MYO7B: variants seen among roughly 807,000 people sequenced by gnomAD.
MYO7B encodes the protein unconventional myosin-VIIb.
Under a neutral mutation model 259.7 loss-of-function variants are expected in MYO7B, and 212 were observed. The observed-to-expected ratio is 0.82, with a 90% CI of 0.73 to 0.91. MYO7B has a LOEUF of 0.91. Ranked by LOEUF, MYO7B falls within the 40% of genes least tolerant of loss-of-function variation. The pLI, the probability that MYO7B is intolerant of heterozygous loss-of-function variation, is 0.00. For missense variants in MYO7B, 2,732 were observed against 2,813.5 expected (o/e 0.97, Z 0.66); for synonymous variants, 1,197 against 1,166.4 (o/e 1.03, Z -0.54).
chr2:127,636,560 T>G lies in MYO7B; in HGVS notation c.6139T>G (p.Ser2047Ala), dbSNP rs200713459. The change falls in exon 46 of 48, where the codon TCC becomes GCC. Residue 2047 changes from serine (S) to alanine (A), a missense_variant. Coordinates refer to ENST00000409816, the MANE Select transcript of MYO7B (RefSeq NM_001393586.1). The surrounding 1 kb of genome is among the most constrained non-coding windows in gnomAD (Gnocchi z 4.5). Reference sequence around the variant, plus strand: ...TCCCTCCCAGCAAACCTCGGAGCCTTCCTACCCGGACGTCATCCTCATCGC... The same window carrying G: ...TCCCTCCCAGCAAACCTCGGAGCCTGCCTACCCGGACGTCATCCTCATCGC... ...FFEVKQTSEP[S>A]YPDVILIAIN... 6.0e-5 allele frequency: 97 copies of G among 1,611,878 alleles called. No homozygotes were observed. In the East Asian group the frequency reaches 1.4e-3, roughly 23 times the overall value.
At chr2:127,619,124 G>A (rs1680712933) in intron 26 of MYO7B, among the ~76,000 whole-genome samples, 1 of 145,364 alleles carries the variant, frequency 6.9e-6, no homozygotes, top group Non-Finnish European at 1.5e-5. Context: ...GAGGCTGGTT[G>A]GATTGTGGTG....
At chr2:127,601,013 T>G (rs576005539) in intron 19 of MYO7B, among the ~76,000 whole-genome samples, 1 of 152,364 alleles carries the variant, frequency 6.6e-6, no homozygotes, top group East Asian at 1.9e-4. Flanking sequence ...TATGCTTTCA[T>G]TTAGTTCATT....
intron 43 of MYO7B, 37 bp from the exon 44 acceptor site, chr2:127,635,685 C>G: frequency 1.3e-6 from 2 of 1,564,254 alleles, no homozygotes; most frequent in Non-Finnish European, 1.7e-6. Context: ...TGGGCCGCAG[C>G]TGGAGACCCA....
chr2:127,568,726 G>C (rs949985484), intron 5 of MYO7B, among the ~76,000 whole-genome samples: 4 of 151,218 alleles, frequency 2.6e-5, no homozygotes, highest in African/African-American at 9.7e-5. Context: ...GTGAAACCCC[G>C]TCTCTACTAA....
At chr2:127,622,788 G>A (rs1375842012) in intron 28 of MYO7B, among the ~76,000 whole-genome samples, 1 of 152,228 alleles carries the variant, frequency 6.6e-6, no homozygotes, top group African/African-American at 2.4e-5. Flanking sequence ...GTTGACACAA[G>A]GGAACAATAC....
chr2:127,633,149 TG>T, intron 39 of MYO7B, 108 bp from the exon 40 acceptor site: 1 of 834,892 alleles, frequency 1.2e-6, no homozygotes, highest in Non-Finnish European at 1.9e-6. Flanking sequence ...TGATGGTCAC[TG>T]GGGTTTTCTT....
At chr2:127,637,130 A>C in intron 47 of MYO7B, 186 bp from the exon 48 acceptor site, 1 of 967,736 alleles carries the variant, frequency 1.0e-6, no homozygotes, top group Non-Finnish European at 1.6e-6. Context: ...GGCCCATTCC[A>C]AGGAGGGAGG....
intron 28 of MYO7B, among the ~76,000 whole-genome samples, chr2:127,622,645 C>T (rs778675234): frequency 6.6e-5 from 10 of 152,234 alleles, no homozygotes; most frequent in East Asian, 1.9e-4. Flanking sequence ...CCCTGTGACC[C>T]GAGGTGCCCT....
intron 4 of MYO7B, 142 bp from the exon 5 acceptor site, chr2:127,566,501 C>G: frequency 1.3e-6 from 1 of 748,822 alleles, no homozygotes. Flanking sequence ...TCTCCCTGGC[C>G]CAGAATCAGA....
chr2:127,600,622 A>G, intron 19 of MYO7B, among the ~76,000 whole-genome samples: 1 of 152,214 alleles, frequency 6.6e-6, no homozygotes, highest in East Asian at 1.9e-4. Context: ...AGGCAGGAGA[A>G]TCGCTTGAAC....
At position 127,592,839 on chromosome 2, in the gene MYO7B, A is replaced by T; in HGVS notation, c.2038A>T (p.Met680Leu). 6.2e-7 allele frequency: 1 copy of T among 1,610,626 alleles called. No individual in the cohort carries two copies. Among genetic ancestry groups the T allele is most frequent in the Non-Finnish European group, 8.5e-7 (1 of 1,179,112 alleles). The change falls in exon 17 of 48, where the codon ATG becomes TTG. Residue 680 changes from methionine (M) to leucine (L), a missense_variant. By Grantham distance (15) the Met-to-Leu change is conservative (BLOSUM62 2). Transcript: ENST00000409816. ...LCLRQLRYSG[M>L]METVHIRKSG... is the part of the protein sequence containing the mutation. ...CCTGCGGCAGCTGCGATACTCGGGCATGATGGAGACCGTGCACATCCGCAA... is the reference window on the plus strand; with the variant it reads ...CCTGCGGCAGCTGCGATACTCGGGCTTGATGGAGACCGTGCACATCCGCAA...
intron 1 of MYO7B, among the ~76,000 whole-genome samples, chr2:127,544,472 G>A (rs532179878): frequency 1.3e-5 from 2 of 151,194 alleles, no homozygotes; most frequent in African/African-American, 2.4e-5. Flanking sequence ...GCAATGGCAC[G>A]ATCTTGGCTT....
At position 127,631,331 on chromosome 2, in the gene MYO7B, A is replaced by G. The variant is rs765153151; in HGVS notation, c.5063A>G (p.Asp1688Gly). ...CTCAAGCGAGTCCACGCCAACGTCG[A>G]CCTCTGGGACATCGCCTGCCAGATC... is the stretch of plus-strand genomic sequence containing the variant. ...PLLKRVHANVDLWDIACQIFV... is the reference protein window; with the variant it reads ...PLLKRVHANVGLWDIACQIFV... Residue 1688 changes from aspartate to glycine, a missense_variant, in exon 37 of 48, where the codon GAC (aspartate) becomes GGC (glycine). Asp to Gly is a moderately conservative substitution (Grantham distance 94). Around this residue, in one of 3 missense-constraint regions of MYO7B, gnomAD observed 821 missense variants for 769.3 expected, o/e 1.07. Transcript: ENST00000409816. The G allele has an allele frequency of 9.3e-6, 15 of 1,610,422 alleles. No homozygotes were observed. The East Asian group carries it at 3.1e-4, about 34-fold the overall frequency.
chr2:127,632,017 C>T (rs1283375228), intron 38 of MYO7B, among the ~76,000 whole-genome samples: 4 of 152,224 alleles, frequency 2.6e-5, no homozygotes, highest in African/African-American at 7.2e-5. Flanking sequence ...GCTTCAGTGT[C>T]GTCTTCCACA....
At chr2:127,632,212 G>A (rs776712378) in intron 38 of MYO7B, 34 bp from the exon 39 acceptor site, 6 of 1,600,190 alleles carry the variant, frequency 3.7e-6, no homozygotes, top group African/African-American at 2.7e-5. Context: ...GCCCCCTGAG[G>A]GGCCTTTCCC....
In MYO7B at chr2:127,582,315, G is replaced by T. The variant is rs1338463305; in HGVS notation, c.1212G>T (p.Gly404=). ...RRDAFVKGIY[G]HLFLWIVKKI... ...CCGTGTCTCTCCAGGGCATCTATGGGCACCTCTTCCTGTGGATTGTCAAGA... is the reference window on the plus strand; with the variant it reads ...CCGTGTCTCTCCAGGGCATCTATGGTCACCTCTTCCTGTGGATTGTCAAGA... The change falls in exon 12 of 48, where the codon GGG becomes GGT. Residue 404 remains glycine, a synonymous_variant. Transcript: ENST00000409816. 4 of 1,613,020 alleles carry T rather than the reference G, an allele frequency of 2.5e-6. No homozygotes were observed. In the South Asian group the frequency reaches 4.4e-5, roughly 18 times the overall value.
chr2:127,625,416 G>A lies in MYO7B; in HGVS notation c.4096G>A (p.Gly1366Ser), dbSNP rs762362568. Residue 1366 changes from glycine to serine, a missense_variant, in exon 31 of 48, where the codon GGC (glycine) becomes AGC (serine). Coordinates refer to ENST00000409816, the MANE Select transcript of MYO7B (RefSeq NM_001393586.1). ...LLARHCYVQL[G>S]ASAESKAVQE... is the part of the protein sequence containing the mutation. ...GGCCCGGCACTGCTACGTGCAGCTC[G>A]GCGCCTCAGCAGAGAGCAAGGCTGT... The A allele has an allele frequency of 2.5e-6, 4 of 1,609,026 alleles. No individual in the cohort carries two copies. Among genetic ancestry groups the A allele is most frequent in the African/African-American group, 1.3e-5 (1 of 74,836 alleles).
At position 127,625,418 on chromosome 2, in the gene MYO7B, C is replaced by T. The variant is rs373691240; in HGVS notation, c.4098C>T (p.Gly1366=). The T allele has an allele frequency of 8.4e-5, 135 of 1,609,076 alleles. No homozygotes were observed. The highest frequency in any genetic ancestry group is 2.5e-4 in the Admixed American group (15 of 59,538). Residue 1366 remains glycine, a synonymous_variant, in exon 31 of 48, where the codon GGC becomes GGT. Transcript: ENST00000409816. ...LLARHCYVQL[G]ASAESKAVQE... ...CCCGGCACTGCTACGTGCAGCTCGG[C>T]GCCTCAGCAGAGAGCAAGGCTGTCC...
rs1680460394 is a variant in MYO7B at position 127,613,400 on chromosome 2, G to A, written c.3398+797G>A. On this transcript the variant is annotated intron_variant, in intron 26 of 47. Transcript: ENST00000409816. This position sits in a 1 kb window ranked among gnomAD's most constrained non-coding sequence, Gnocchi z 4.3. ...TTTATTTCAGATATTGTATTTTTCA[G>A]TTCTAGAATTTGTATTTGTGTCTTT... Among the ~76,000 whole-genome samples, 1 of 152,100 alleles carries A rather than the reference G, an allele frequency of 6.6e-6. No homozygotes were observed. The highest frequency in any genetic ancestry group is 2.4e-5 in the African/African-American group (1 of 41,412).
Sources: gnomAD v4.1 joint callset for allele counts (sites outside exome capture counted in the v4.1 genomes callset) on GRCh38, gnomAD v4.1.1 for gene constraint, gnomAD v4.1.1 regional missense constraint, Gnocchi (gnomAD v3.1) non-coding constraint, MANE v1.5 for transcripts, NCBI Gene and HGNC (gene_info 2026-07-23, HGNC 2026-07-21) for gene names.